Variants in RPL3L observed in about 807,000 individuals in gnomAD.
The protein encoded by RPL3L is ribosomal protein uL3-like.
RPL3L carries 44 observed loss-of-function variants against 44.5 expected under a neutral mutation model. The ratio of observed to expected loss-of-function variants is 0.99; its 90% CI spans 0.78 to 1.27. The LOEUF (loss-of-function observed/expected upper bound fraction) is 1.27. Among genes scored for constraint, RPL3L ranks in the 50% most tolerant of loss-of-function variants. The pLI, the probability that RPL3L is intolerant of heterozygous loss-of-function variation, is 0.00. For missense variants in RPL3L, 631 were observed against 569.1 expected, an observed-to-expected ratio of 1.11 and a Z score of -1.11; for synonymous variants, 292 against 230.7, an observed-to-expected ratio of 1.27 and a Z score of -2.41.
intron 4 of RPL3L, among the ~76,000 whole-genome samples, chr16:1,949,562 T>C (rs1170134084): frequency 6.7e-6 from 1 of 150,246 alleles, no homozygotes; most frequent in East Asian, 2.0e-4. Flanking sequence ...TTGATTTTTT[T>C]TTTTTTTTTT....
At chr16:1,949,361 C>G (rs1271657759) in intron 4 of RPL3L, among the ~76,000 whole-genome samples, 1 of 130,312 alleles carries the variant, frequency 7.7e-6, no homozygotes, top group East Asian at 2.5e-4. Context: ...TCAAGTGATT[C>G]TCCTGCCTCA....
At chr16:1,946,869 C>A in intron 6 of RPL3L, 69 bp downstream of exon 6, 2 of 1,560,352 alleles carry the variant, frequency 1.3e-6, no homozygotes, top group African/African-American at 1.3e-5. Flanking sequence ...TGCACCCCAC[C>A]CACTGAGGCC....
At position 1,953,035 on chromosome 16, in the gene RPL3L, G is replaced by A. The variant is rs1213565845; in HGVS notation, c.204C>T (p.Ser68=). 6 of 1,592,962 alleles carry A rather than the reference G, an allele frequency of 3.8e-6. No individual in the cohort carries two copies. In the Admixed American group the frequency reaches 5.2e-5, roughly 14 times the overall value. ...REVHRPGLKI[S]KREEVEAVTI... ...TCACCGCCTCCACCTCCTCCCGTTTGGAAATTTCTGGATGAGACACAGGGA... is the reference window on the plus strand; with the variant it reads ...TCACCGCCTCCACCTCCTCCCGTTTAGAAATTTCTGGATGAGACACAGGGA... The change falls in exon 3 of 10, where the codon TCC becomes TCT. Residue 68 remains serine, a synonymous_variant. Transcript: ENST00000268661.
Position 1,944,799 on chromosome 16 carries a change from A to G in RPL3L, c.*38T>C, listed in dbSNP as rs369812810. ...GCCTTTGTTAGACATTGGGGCAGACAGTGCGGTGCGCTTCAGGGTTCATCC... is the reference window on the plus strand; with the variant it reads ...GCCTTTGTTAGACATTGGGGCAGACGGTGCGGTGCGCTTCAGGGTTCATCC... On this transcript the variant is annotated 3_prime_UTR_variant, in exon 10 of 10. Coordinates refer to ENST00000268661, the MANE Select transcript of RPL3L (RefSeq NM_005061.3). The G allele has an allele frequency of 4.3e-6, 7 of 1,613,230 alleles. No individual in the cohort carries two copies. The African/African-American group carries it at 6.7e-5, about 15-fold the overall frequency.
Position 1,944,669 on chromosome 16 carries a change from C to T in RPL3L, c.*168G>A, listed in dbSNP as rs1357359843. Reference sequence around the variant, plus strand: ...TGTGTGAATTACTCTTTCTCTATTGCAATTCCCCTGTCTTAATGAATCGGC... The same window carrying T: ...TGTGTGAATTACTCTTTCTCTATTGTAATTCCCCTGTCTTAATGAATCGGC... On this transcript the variant is annotated 3_prime_UTR_variant, in exon 10 of 10. Coordinates refer to ENST00000268661, the MANE Select transcript of RPL3L (RefSeq NM_005061.3). 5.5e-6 allele frequency: 4 copies of T among 732,856 alleles called. No individual in the cohort carries two copies. Among genetic ancestry groups the T allele is most frequent in the Non-Finnish European group, 7.1e-6 (3 of 424,048 alleles). 45.4% of individuals were successfully genotyped at this position (732,856 alleles called of 1,614,324 possible). A position where few individuals can be genotyped will look rare whatever the true frequency, so the allele number is the denominator to read the frequency against.
At position 1,947,310 on chromosome 16, in the gene RPL3L, G is replaced by A. The variant is rs529402885; in HGVS notation, c.572C>T (p.Ala191Val). 2.0e-5 allele frequency: 32 copies of A among 1,611,882 alleles called. No homozygotes were observed. The South Asian group carries it at 3.0e-4, about 15-fold the overall frequency. Residue 191 changes from alanine to valine, a missense_variant, in exon 5 of 10, where the codon GCC becomes GTC. By Grantham distance (64) the Ala-to-Val change is moderately conservative. Coordinates refer to ENST00000268661, the MANE Select transcript of RPL3L (RefSeq NM_005061.3). ...MEIQLNGGTVAEKVAWAQARL... is the reference protein window; with the variant it reads ...MEIQLNGGTVVEKVAWAQARL... Reference sequence around the variant, plus strand: ...GGCCTGGGCCCAGGCCACCTTCTCGGCCACCGTGCCACCGTTCAGCTGGAT... The same window carrying A: ...GGCCTGGGCCCAGGCCACCTTCTCGACCACCGTGCCACCGTTCAGCTGGAT...
In RPL3L at chr16:1,950,842, A is replaced by G; in HGVS notation, c.501+2T>C. The G allele has an allele frequency of 1.9e-6, 3 of 1,614,038 alleles. No individual in the cohort carries two copies. Among genetic ancestry groups the G allele is most frequent in the Non-Finnish European group, 2.5e-6 (3 of 1,179,948 alleles). On this transcript the variant is annotated splice_donor_variant, in intron 4 of 9. Coordinates refer to ENST00000268661, the MANE Select transcript of RPL3L (RefSeq NM_005061.3). LOFTEE classifies it high-confidence loss of function. ...ACCGACAGCGGAGGGCCGGGGGCTG[A>G]CCTGAGTGTGGACAATGACCCGAAT... is the stretch of plus-strand genomic sequence containing the variant.
chr16:1,948,148 C>T (rs529492351), intron 4 of RPL3L, among the ~76,000 whole-genome samples: 1 of 151,500 alleles, frequency 6.6e-6, no homozygotes, highest in Admixed American at 6.6e-5. Context: ...TGTGTTGGCC[C>T]GGATGGTCTG....
At chr16:1,949,554 G>C (rs1340049347) in intron 4 of RPL3L, among the ~76,000 whole-genome samples, 13 of 113,534 alleles carry the variant, frequency 1.1e-4, no homozygotes, top group Middle Eastern at 4.5e-3. Context: ...TGTCTGGCTT[G>C]ATTTTTTTTT....
Position 1,947,282 on chromosome 16 carries a change from C to G in RPL3L, c.600G>C (p.Arg200=). ...VAEKVAWAQA[R]LEKQVPVHSV... is the part of the protein sequence containing the mutation. ...TGTGCACGGGCACCTGCTTCTCCAG[C>G]CGGGCCTGGGCCCAGGCCACCTTCT... The change falls in exon 5 of 10, where the codon CGG becomes CGC. Residue 200 remains arginine, a synonymous_variant. Coordinates refer to ENST00000268661, the MANE Select transcript of RPL3L (RefSeq NM_005061.3). 2 of 1,613,324 alleles carry G rather than the reference C, an allele frequency of 1.2e-6. No individual in the cohort carries two copies. Among genetic ancestry groups the G allele is most frequent in the East Asian group, 4.5e-5 (2 of 44,866 alleles).
chr16:1,948,807 CTGG>C (rs1474430302), intron 4 of RPL3L, among the ~76,000 whole-genome samples: 7 of 152,124 alleles, frequency 4.6e-5, no homozygotes, highest in African/African-American at 1.4e-4. Context: ...GCTCTGCCTC[CTGG>C]GTTCACGCCA....
intron 3 of RPL3L, among the ~76,000 whole-genome samples, chr16:1,951,645 G>C (rs2083172428): frequency 6.6e-6 from 1 of 151,694 alleles, no homozygotes; most frequent in Admixed American, 6.6e-5. Context: ...GCCTCCCAAA[G>C]TGCTGGAATT....
At position 1,944,641 on chromosome 16, in the gene RPL3L, C is replaced by G. The variant is rs1319280891; in HGVS notation, c.*196G>C. The G allele has an allele frequency of 4.7e-6, 3 of 634,794 alleles. No individual in the cohort carries two copies. Among genetic ancestry groups the G allele is most frequent in the Non-Finnish European group, 8.4e-6 (3 of 355,958 alleles). 39.3% of individuals were successfully genotyped at this position (634,794 alleles called of 1,614,324 possible). On this transcript the variant is annotated 3_prime_UTR_variant, in exon 10 of 10. Transcript: ENST00000268661. ...AAACTCCGGTCTCCCGCACAGCCAG[C>G]TCTGTGTGAATTACTCTTTCTCTAT...
Position 1,944,619 on chromosome 16 carries a change from C to T in RPL3L, c.*218G>A, listed in dbSNP as rs1003322713. The T allele has an allele frequency of 2.3e-6, 1 of 436,372 alleles. No homozygotes were observed. Among genetic ancestry groups the T allele is most frequent in the African/African-American group, 2.0e-5 (1 of 49,654 alleles). The allele number at this position is 436,372 out of a possible 1,614,324, so 27.0% of individuals were successfully genotyped here. ...ATTTGAGTAATAATAAAACATAAAA[C>T]TCCGGTCTCCCGCACAGCCAGCTCT... On this transcript the variant is annotated 3_prime_UTR_variant, in exon 10 of 10. Transcript: ENST00000268661.
intron 1 of RPL3L, 54 bp downstream of exon 1, chr16:1,954,575 C>T (rs1248775109): frequency 1.3e-6 from 2 of 1,519,344 alleles, no homozygotes; most frequent in Non-Finnish European, 1.8e-6. Flanking sequence ...GCTGTCCCAC[C>T]CCCCCAGAGT....
intron 4 of RPL3L, among the ~76,000 whole-genome samples, chr16:1,948,157 T>A (rs996844784): frequency 6.6e-6 from 1 of 151,900 alleles, no homozygotes; most frequent in African/African-American, 2.4e-5. Context: ...CCGGATGGTC[T>A]GCATCTCCTG....
intron 2 of RPL3L, 52 bp from the exon 3 acceptor site, chr16:1,953,094 G>A: frequency 3.9e-6 from 6 of 1,538,182 alleles, no homozygotes; most frequent in Admixed American, 2.0e-5. Flanking sequence ...GAGGCCTGTG[G>A]GGGAGGGAGT....
At chr16:1,949,262 T>TTTTTTTTTTTTTTTTTTTTTTG (rs2083151264) in intron 4 of RPL3L, among the ~76,000 whole-genome samples, 1 of 85,998 alleles carries the variant, frequency 1.2e-5, no homozygotes, top group Non-Finnish European at 2.3e-5. Flanking sequence ...TTTTTTTCTT[T>TTTTTTTTTTTTTTTTTTTTTTG]TTTTTTTTTT....
At position 1,954,116 on chromosome 16, in the gene RPL3L, T is replaced by C; in HGVS notation, c.36A>G (p.Gly12=). The C allele has an allele frequency of 6.3e-7, 1 of 1,598,366 alleles. No individual in the cohort carries two copies. The highest frequency in any genetic ancestry group is 1.1e-5 in the South Asian group (1 of 88,542). ...SHRKFSAPRH[G]HLGFLPHKRS... ...TCTTATGGGGCAGGAAGCCCAGGTG[T>C]CCGTGCCGAGGGGCGGAAAACTTCC... Residue 12 remains glycine (G), a synonymous_variant, in exon 2 of 10, where the codon GGA becomes GGG. Coordinates refer to ENST00000268661, the MANE Select transcript of RPL3L (RefSeq NM_005061.3).
Sources: allele counts gnomAD v4.1 joint callset (sites outside exome capture counted in the v4.1 genomes callset), GRCh38; gene constraint gnomAD v4.1.1; transcripts MANE v1.5; gene names NCBI Gene and HGNC (gene_info 2026-07-23, HGNC 2026-07-21).